Variants in CFAP299 observed in about 807,000 individuals in gnomAD.
CFAP299 encodes cilia- and flagella-associated protein 299.
CFAP299 carries 21 observed loss-of-function variants against 27.0 expected under a neutral mutation model. That is an observed-to-expected ratio of 0.78 (90% CI 0.55 to 1.12). The LOEUF is 1.12. CFAP299 is among the 50% of genes most tolerant of loss of function. The pLI, the probability that CFAP299 is intolerant of heterozygous loss-of-function variation, is 0.00. For missense variants in CFAP299, 310 were observed against 276.6 expected (o/e 1.12, Z -0.86); for synonymous variants, 104 against 98.1 (o/e 1.06, Z -0.36).
intron 4 of CFAP299, among the ~76,000 whole-genome samples, chr4:80,887,728 A>C (rs917912561): frequency 1.3e-5 from 2 of 152,144 alleles, no homozygotes; most frequent in African/African-American, 2.4e-5. Context: ...TTAAGTAGAA[A>C]GACTAAATTA....
At chr4:80,672,138 G>C (rs1741522635) in intron 3 of CFAP299, among the ~76,000 whole-genome samples, 1 of 152,120 alleles carries the variant, frequency 6.6e-6, no homozygotes, top group Non-Finnish European at 1.5e-5. Flanking sequence ...TTGGCTGTGG[G>C]TCTCTCATAA....
At chr4:80,451,493 A>G (rs1452980169) in intron 2 of CFAP299, among the ~76,000 whole-genome samples, 1 of 152,210 alleles carries the variant, frequency 6.6e-6, no homozygotes, top group Non-Finnish European at 1.5e-5. Flanking sequence ...ATTAAAAATT[A>G]ATTGAGCTTA....
At chr4:80,447,413 G>A (rs1408893813) in intron 2 of CFAP299, among the ~76,000 whole-genome samples, 1 of 149,604 alleles carries the variant, frequency 6.7e-6, no homozygotes, top group African/African-American at 2.5e-5. Context: ...GGGATTACAG[G>A]CGTGAGCCAC....
chr4:80,738,156 A>G (rs1168747803), intron 3 of CFAP299, among the ~76,000 whole-genome samples: 2 of 152,190 alleles, frequency 1.3e-5, no homozygotes, highest in Non-Finnish European at 2.9e-5. Flanking sequence ...CATATGGACT[A>G]TCCTTGAGAA....
intron 4 of CFAP299, among the ~76,000 whole-genome samples, chr4:80,920,763 G>A (rs1477983410): frequency 1.3e-5 from 2 of 152,092 alleles, no homozygotes; most frequent in African/African-American, 4.8e-5. Flanking sequence ...CTTCTGGGGT[G>A]CATGTGGAGT....
intron 3 of CFAP299, among the ~76,000 whole-genome samples, chr4:80,779,538 G>C (rs1726751750): frequency 6.6e-6 from 1 of 151,734 alleles, no homozygotes; most frequent in African/African-American, 2.4e-5. Context: ...TTTCACCACA[G>C]TTAGGTTCTG....
chr4:80,896,693 ATT>A (rs1455680435), intron 4 of CFAP299, among the ~76,000 whole-genome samples: 2 of 152,188 alleles, frequency 1.3e-5, no homozygotes, highest in African/African-American at 4.8e-5. Flanking sequence ...AATGACTTAC[ATT>A]TTGTAGTTTA....
At chr4:80,552,184 A>G (rs1037454507) in intron 2 of CFAP299, among the ~76,000 whole-genome samples, 16 of 152,234 alleles carry the variant, frequency 1.1e-4, no homozygotes, top group African/African-American at 3.1e-4. Flanking sequence ...AATATAACTG[A>G]TAAGTACTGC....
At chr4:80,339,608 G>T (rs187058650) in intron 1 of CFAP299, among the ~76,000 whole-genome samples, 3 of 152,184 alleles carry the variant, frequency 2.0e-5, no homozygotes, top group African/African-American at 7.2e-5. Flanking sequence ...TAGCTTCAAA[G>T]CATCAAAAGA....
chr4:80,612,153 A>G (rs1328456639), intron 3 of CFAP299, among the ~76,000 whole-genome samples: 3 of 152,010 alleles, frequency 2.0e-5, no homozygotes, highest in Admixed American at 6.6e-5. Flanking sequence ...TTAGCAAACC[A>G]TCGTGTTTTA....
intron 3 of CFAP299, among the ~76,000 whole-genome samples, chr4:80,642,278 G>T (rs2109960136): frequency 6.6e-6 from 1 of 152,286 alleles, no homozygotes; most frequent in African/African-American, 2.4e-5. Context: ...ATTAAATTTG[G>T]ATTTAAGTGT....
At chr4:80,565,446 T>C (rs902055545) in intron 2 of CFAP299, among the ~76,000 whole-genome samples, 3 of 152,108 alleles carry the variant, frequency 2.0e-5, no homozygotes, top group Non-Finnish European at 4.4e-5. Flanking sequence ...TGACTAATTC[T>C]TTTTTTAAAA....
intron 2 of CFAP299, among the ~76,000 whole-genome samples, chr4:80,555,909 A>G (rs1734757880): frequency 6.6e-6 from 1 of 152,000 alleles, no homozygotes; most frequent in Non-Finnish European, 1.5e-5. Context: ...GAAACTAGGC[A>G]GACAGAAATA....
At chr4:80,576,250 C>G (rs1270440867) in intron 2 of CFAP299, among the ~76,000 whole-genome samples, 3 of 149,884 alleles carry the variant, frequency 2.0e-5, no homozygotes, top group Non-Finnish European at 3.0e-5. Flanking sequence ...CATTGACCCA[C>G]TGGTCATTCA....
At chr4:80,689,961 G>A (rs1008436755) in intron 3 of CFAP299, among the ~76,000 whole-genome samples, 5 of 150,366 alleles carry the variant, frequency 3.3e-5, no homozygotes, top group Non-Finnish European at 7.4e-5. Context: ...ATTACATAAT[G>A]GTAAAGGGAT....
chr4:80,503,636 A>C (rs1731847514), intron 2 of CFAP299, among the ~76,000 whole-genome samples: 1 of 152,110 alleles, frequency 6.6e-6, no homozygotes, highest in Admixed American at 6.6e-5. Flanking sequence ...AAGGGTCAAA[A>C]GGCCTAGAAC....
intron 3 of CFAP299, among the ~76,000 whole-genome samples, chr4:80,643,644 A>G (rs1052891719): frequency 6.6e-6 from 1 of 152,172 alleles, no homozygotes; most frequent in Admixed American, 6.5e-5. Flanking sequence ...CGGGTGATTC[A>G]TCCTATATGA....
chr4:80,574,002 T>C (rs935021126), intron 2 of CFAP299, among the ~76,000 whole-genome samples: 1 of 150,056 alleles, frequency 6.7e-6, no homozygotes, highest in Non-Finnish European at 1.5e-5. Context: ...AAGAATGTCA[T>C]TGATATTTTT....
intron 3 of CFAP299, among the ~76,000 whole-genome samples, chr4:80,834,603 A>G (rs1158936940): frequency 6.6e-6 from 1 of 152,192 alleles, no homozygotes; most frequent in Non-Finnish European, 1.5e-5. Flanking sequence ...GCTCCCTTAG[A>G]CTAGTTTCTA....
Sources: allele counts gnomAD v4.1 joint callset (sites outside exome capture counted in the v4.1 genomes callset), GRCh38; gene constraint gnomAD v4.1.1; transcripts MANE v1.5; gene names NCBI Gene and HGNC (gene_info 2026-07-23, HGNC 2026-07-21).